Variants in RPL36AL observed in about 807,000 individuals in gnomAD.
RPL36AL encodes ribosomal protein L36a like.
In RPL36AL, 8 loss-of-function variants were observed where a neutral mutation model predicts 7.9. That is an observed-to-expected ratio of 1.02 (90% CI 0.60 to 1.84). The LOEUF (loss-of-function observed/expected upper bound fraction) is 1.84, where lower values mean the gene tolerates loss of function less well. Ranked by LOEUF, RPL36AL falls within the 40% of genes most tolerant of loss-of-function variation. The probability of loss-of-function intolerance (pLI) is 0.00; values close to 1 mark genes in which losing one functional copy is unlikely to be tolerated. For synonymous variants in RPL36AL, 44 were observed against 44.8 expected (o/e 0.98, Z 0.07); for missense variants, 76 against 126.8 (o/e 0.60, Z 1.93).
At chr14:49,620,444 T>G (rs1281565192) in intron 1 of RPL36AL, 118 bp downstream of exon 1, 4 of 152,810 alleles carry the variant, frequency 2.6e-5, no homozygotes, top group African/African-American at 9.6e-5. Flanking sequence ...GCTCTCGAAC[T>G]AAGGCCGGCG....
Position 49,619,116 on chromosome 14 carries a change from G to A in RPL36AL, c.-12C>T. The A allele has an allele frequency of 6.3e-7, 1 of 1,595,368 alleles. No homozygotes were observed. On this transcript the variant is annotated 5_prime_UTR_variant, in exon 2 of 2. Transcript: ENST00000298289. ...GGTACGTTGACCATCTTTGCAGCAG[G>A]GCTGTTTTGTCTATATGATGAAAAC... is the stretch of plus-strand genomic sequence containing the variant.
At chr14:49,620,456 G>A (rs193243095) in intron 1 of RPL36AL, 106 bp downstream of exon 1, 2 of 152,910 alleles carry the variant, frequency 1.3e-5, no homozygotes, top group Admixed American at 6.5e-5. Flanking sequence ...AGGCCGGCGA[G>A]GGCCATAGGT....
Position 49,618,693 on chromosome 14 carries a change from G to T in RPL36AL, c.*91C>A, listed in dbSNP as rs2985698. On this transcript the variant is annotated 3_prime_UTR_variant, in exon 2 of 2. Transcript: ENST00000298289. ...TAAGTAAAAACCACAAAAAGTTTGC[G>T]TAAGAATATCACTGTATTTATTTTC... is the stretch of plus-strand genomic sequence containing the variant. 217,616 of 1,070,846 alleles carry T rather than the reference G, an allele frequency of 0.2. 23,952 individuals carry two copies. Among genetic ancestry groups the T allele is most frequent in the Admixed American group, 0.32 (13,656 of 42,974 alleles). 66.3% of individuals were successfully genotyped at this position (1,070,846 alleles called of 1,614,324 possible).
intron 1 of RPL36AL, among the ~76,000 whole-genome samples, chr14:49,620,183 C>T (rs1882791778): frequency 6.6e-6 from 1 of 152,094 alleles, no homozygotes. Context: ...TTCTTTGACC[C>T]CCTTCCCCCC....
rs770273173 is a variant in RPL36AL at position 49,620,577 on chromosome 14, G to C, written c.-52C>G. 1 of 191,142 alleles carries C rather than the reference G, an allele frequency of 5.2e-6. No homozygotes were observed. Among genetic ancestry groups the C allele is most frequent in the South Asian group, 1.1e-4 (1 of 8,750 alleles). 11.8% of individuals were successfully genotyped at this position (191,142 alleles called of 1,614,324 possible). On this transcript the variant is annotated 5_prime_UTR_variant, in exon 1 of 2. Coordinates refer to ENST00000298289, the MANE Select transcript of RPL36AL (RefSeq NM_001001.5). ...CTTAGCTTACCGAGAAACAGCGCCC[G>C]ACACCTGGCCCTTCGCAGCTCTCGC... is the stretch of plus-strand genomic sequence containing the variant.
Position 49,619,148 on chromosome 14 carries a change from A to G in RPL36AL, c.-36-8T>C. On this transcript the variant is annotated splice_region_variant and splice_polypyrimidine_tract_variant and intron_variant, in intron 1 of 1. Coordinates refer to ENST00000298289, the MANE Select transcript of RPL36AL (RefSeq NM_001001.5). ...TTGTCTATATGATGAAAACTGTAGTAAAATATTTAAAATAAGATAGCAGAC... is the reference window on the plus strand; with the variant it reads ...TTGTCTATATGATGAAAACTGTAGTGAAATATTTAAAATAAGATAGCAGAC... 1 of 1,506,546 alleles carries G rather than the reference A, an allele frequency of 6.6e-7. No individual in the cohort carries two copies. Among genetic ancestry groups the G allele is most frequent in the Middle Eastern group, 1.8e-4 (1 of 5,640 alleles). 93.3% of individuals were successfully genotyped at this position (1,506,546 alleles called of 1,614,324 possible).
intron 1 of RPL36AL, among the ~76,000 whole-genome samples, chr14:49,620,048 G>A (rs1314250956): frequency 2.0e-5 from 3 of 152,180 alleles, no homozygotes; most frequent in East Asian, 1.9e-4. Flanking sequence ...ACCGACAGCA[G>A]CAGCTTTAGG....
At chr14:49,619,402 C>G (rs537975328) in intron 1 of RPL36AL, among the ~76,000 whole-genome samples, 1 of 152,282 alleles carries the variant, frequency 6.6e-6, no homozygotes, top group East Asian at 1.9e-4. Flanking sequence ...AATCCCAGCA[C>G]TTTGGGAGGC....
At position 49,618,713 on chromosome 14, in the gene RPL36AL, A is replaced by T; in HGVS notation, c.*71T>A. 3 of 1,284,796 alleles carry T rather than the reference A, an allele frequency of 2.3e-6. No homozygotes were observed. Among genetic ancestry groups the T allele is most frequent in the Non-Finnish European group, 3.3e-6 (3 of 915,188 alleles). The allele number at this position is 1,284,796 out of a possible 1,614,324, so 79.6% of individuals were successfully genotyped here. The stretch of plus-strand genomic sequence containing the variant: ...TTTGCGTAAGAATATCACTGTATTT[A>T]TTTTCCCTCGGGTAACTTTTCTATG... On this transcript the variant is annotated 3_prime_UTR_variant, in exon 2 of 2. Transcript: ENST00000298289.
chr14:49,620,497 C>T (rs1882802499), intron 1 of RPL36AL, 65 bp downstream of exon 1: 1 of 156,070 alleles, frequency 6.4e-6, no homozygotes, highest in South Asian at 1.8e-4. Flanking sequence ...AAGGCCTAGT[C>T]CTACCCAGGA....
At chr14:49,619,422 C>T (rs1227345079) in intron 1 of RPL36AL, among the ~76,000 whole-genome samples, 2 of 152,080 alleles carry the variant, frequency 1.3e-5, no homozygotes, top group Non-Finnish European at 2.9e-5. Flanking sequence ...CCGAGAAGGG[C>T]GGATCACCTG....
In RPL36AL at chr14:49,618,927, C is replaced by A. The variant is rs781739878; in HGVS notation, c.178G>T (p.Ala60Ser). ...AGCACAATCTTCTTTGTGGTCTTAGCCTTCTTCCGGAAAATTGGCTTTGTC... is the reference window on the plus strand; with the variant it reads ...AGCACAATCTTCTTTGTGGTCTTAGACTTCTTCCGGAAAATTGGCTTTGTC... ...GQTKPIFRKK[A>S]KTTKKIVLRL... The change falls in exon 2 of 2, where the codon GCT (alanine) becomes TCT (serine). Residue 60 changes from alanine (A) to serine (S), a missense_variant. Physicochemically the swap from Ala to Ser is moderately conservative, Grantham distance 99. Coordinates refer to ENST00000298289, the MANE Select transcript of RPL36AL (RefSeq NM_001001.5). 6.2e-7 allele frequency: 1 copy of A among 1,613,628 alleles called. No homozygotes were observed. Among genetic ancestry groups the A allele is most frequent in the Non-Finnish European group, 8.5e-7 (1 of 1,179,874 alleles).
rs1432780072 is a variant in RPL36AL, at chr14:49,620,573, G to A, written c.-48C>T. ...CGTTCTTAGCTTACCGAGAAACAGC[G>A]CCCGACACCTGGCCCTTCGCAGCTC... On this transcript the variant is annotated 5_prime_UTR_variant, in exon 1 of 2. Coordinates refer to ENST00000298289, the MANE Select transcript of RPL36AL (RefSeq NM_001001.5). The A allele has an allele frequency of 5.3e-6, 1 of 187,356 alleles. No individual in the cohort carries two copies. The highest frequency in any genetic ancestry group is 1.1e-5 in the Non-Finnish European group (1 of 90,568). 11.6% of individuals were successfully genotyped at this position (187,356 alleles called of 1,614,324 possible).
At chr14:49,619,640 AAAG>A (rs1480971364) in intron 1 of RPL36AL, among the ~76,000 whole-genome samples, 1 of 152,226 alleles carries the variant, frequency 6.6e-6, no homozygotes, top group African/African-American at 2.4e-5. Context: ...CAAAAAAAAA[AAAG>A]AACTGAGGCA....
chr14:49,619,734 G>A (rs1473036998), intron 1 of RPL36AL, among the ~76,000 whole-genome samples: 1 of 152,224 alleles, frequency 6.6e-6, no homozygotes, highest in East Asian at 1.9e-4. Flanking sequence ...GCCCTGAGTA[G>A]CAGCAGTTGC....
rs573144601 is a variant in RPL36AL at position 49,620,240 on chromosome 14, C to T, written c.-37+322G>A. Among the ~76,000 whole-genome samples, 7 of 152,074 alleles carry T rather than the reference C, an allele frequency of 4.6e-5. No homozygotes were observed. In the South Asian group the frequency reaches 1.5e-3, roughly 32 times the overall value. ...GCTCTAGAGAATGGCTGGGGCAGCG[C>T]GCGACGTTGTAGCTACGGTTACGAC... is the stretch of plus-strand genomic sequence containing the variant. On this transcript the variant is annotated intron_variant, in intron 1 of 1. Transcript: ENST00000298289.
chr14:49,619,173 CGTT>C, intron 1 of RPL36AL, 33 bp from the exon 2 acceptor site: 2 of 1,419,536 alleles, frequency 1.4e-6, no homozygotes, highest in East Asian at 4.6e-5. Flanking sequence ...AGATAGCAGA[CGTT>C]AAACATTCCG....
At chr14:49,619,244 AT>A in intron 1 of RPL36AL, 104 bp from the exon 2 acceptor site, 1 of 674,560 alleles carries the variant, frequency 1.5e-6, no homozygotes, top group Non-Finnish European at 2.5e-6. Flanking sequence ...AATGAGTAAT[AT>A]ATAAATCCAC....
At position 49,618,692 on chromosome 14, in the gene RPL36AL, C is replaced by T. The variant is rs1331411136; in HGVS notation, c.*92G>A. 51 of 1,053,410 alleles carry T rather than the reference C, an allele frequency of 4.8e-5. No individual in the cohort carries two copies. The highest frequency in any genetic ancestry group is 9.6e-5 in the African/African-American group (6 of 62,706). 65.3% of individuals were successfully genotyped at this position (1,053,410 alleles called of 1,614,324 possible). ...ATAAGTAAAAACCACAAAAAGTTTGCGTAAGAATATCACTGTATTTATTTT... is the reference window on the plus strand; with the variant it reads ...ATAAGTAAAAACCACAAAAAGTTTGTGTAAGAATATCACTGTATTTATTTT... On this transcript the variant is annotated 3_prime_UTR_variant, in exon 2 of 2. Coordinates refer to ENST00000298289, the MANE Select transcript of RPL36AL (RefSeq NM_001001.5).
Sources: gnomAD v4.1 joint callset for allele counts (sites outside exome capture counted in the v4.1 genomes callset) on GRCh38, gnomAD v4.1.1 for gene constraint, MANE v1.5 for transcripts, NCBI Gene and HGNC (gene_info 2026-07-23, HGNC 2026-07-21) for gene names.